Variants in SORCS2 observed in about 807,000 individuals in gnomAD.
SORCS2 encodes sortilin related VPS10 domain containing receptor 2, also known as VPS10 domain-containing receptor SorCS2.
A neutral mutation model predicts 141.6 loss-of-function variants in SORCS2; 100 were observed. The observed-to-expected ratio is 0.71, with a 90% CI of 0.60 to 0.83. The LOEUF (loss-of-function observed/expected upper bound fraction) is 0.83, where lower values mean the gene tolerates loss of function less well. Among genes scored for constraint, SORCS2 ranks in the 40% least tolerant of loss-of-function variants. SORCS2 has a pLI of 0.00. For missense variants in SORCS2, 1,646 were observed against 1,560.2 expected, an observed-to-expected ratio of 1.05 and a Z score of -0.93; for synonymous variants, 789 against 676.9, an observed-to-expected ratio of 1.17 and a Z score of -2.57.
intron 2 of SORCS2, among the ~76,000 whole-genome samples, chr4:7,410,318 A>G (rs1725220446): frequency 6.6e-6 from 1 of 152,222 alleles, no homozygotes. Flanking sequence ...ATCCAGAAAG[A>G]GGGGGACTTC....
At chr4:7,215,221 G>C (rs115398283) in intron 1 of SORCS2, among the ~76,000 whole-genome samples, 48,243 of 152,016 alleles carry the variant, frequency 0.32, 8,374 homozygotes, top group Non-Finnish European at 0.39. Flanking sequence ...CCTGCATTCC[G>C]AGCAGCAGGC....
chr4:7,242,127 G>C (rs1200965440), intron 1 of SORCS2, among the ~76,000 whole-genome samples: 1 of 152,210 alleles, frequency 6.6e-6, no homozygotes, highest in African/African-American at 2.4e-5. Context: ...TCCTCCTGCT[G>C]TGGCTGGTCC....
intron 2 of SORCS2, among the ~76,000 whole-genome samples, chr4:7,416,809 T>C (rs1224433426): frequency 6.7e-6 from 1 of 150,288 alleles, no homozygotes; most frequent in African/African-American, 2.5e-5. Flanking sequence ...CAAACATGCA[T>C]GCATGTACAC....
At chr4:7,726,569 G>A (rs1727232332) in intron 20 of SORCS2, among the ~76,000 whole-genome samples, 1 of 152,056 alleles carries the variant, frequency 6.6e-6, no homozygotes, top group South Asian at 2.1e-4. Context: ...ACAAGACTCT[G>A]TCTCAAAATA....
At chr4:7,510,074 G>C (rs1453861856) in intron 2 of SORCS2, among the ~76,000 whole-genome samples, 1 of 152,204 alleles carries the variant, frequency 6.6e-6, no homozygotes, top group Non-Finnish European at 1.5e-5. Context: ...ATGTTTATTT[G>C]CCTCGTTAGA....
At chr4:7,511,516 G>A (rs1732651602) in intron 2 of SORCS2, among the ~76,000 whole-genome samples, 1 of 151,938 alleles carries the variant, frequency 6.6e-6, no homozygotes, top group African/African-American at 2.4e-5. Context: ...AACAGAGAAA[G>A]AGACAGAGCA....
At chr4:7,542,275 C>G (rs187394309) in intron 3 of SORCS2, among the ~76,000 whole-genome samples, 1 of 152,302 alleles carries the variant, frequency 6.6e-6, no homozygotes, top group African/African-American at 2.4e-5. Flanking sequence ...AATTGTGCCC[C>G]CCAAAAAAAT....
At chr4:7,475,954 T>A (rs1730264901) in intron 2 of SORCS2, among the ~76,000 whole-genome samples, 1 of 152,170 alleles carries the variant, frequency 6.6e-6, no homozygotes, top group South Asian at 2.1e-4. Flanking sequence ...AGGACTCCAG[T>A]CTCCTTGGCT....
At chr4:7,336,131 G>A (rs2108977750) in intron 1 of SORCS2, among the ~76,000 whole-genome samples, 1 of 152,360 alleles carries the variant, frequency 6.6e-6, no homozygotes, top group South Asian at 2.1e-4. Flanking sequence ...TGTGATTCGA[G>A]GGTGCTGGAA....
chr4:7,604,372 C>T (rs1202523117), intron 3 of SORCS2, among the ~76,000 whole-genome samples: 2 of 152,226 alleles, frequency 1.3e-5, no homozygotes, highest in Non-Finnish European at 2.9e-5. Context: ...GGCTGGAGTG[C>T]AGTGGCGCGA....
chr4:7,557,702 A>C (rs1203415023), intron 3 of SORCS2, among the ~76,000 whole-genome samples: 1 of 152,212 alleles, frequency 6.6e-6, no homozygotes, highest in Non-Finnish European at 1.5e-5. Context: ...TTGCTTTGCA[A>C]ATGCCCAGGG....
At chr4:7,350,130 A>G (rs556610458) in intron 1 of SORCS2, among the ~76,000 whole-genome samples, 28 of 152,320 alleles carry the variant, frequency 1.8e-4, no homozygotes, top group African/African-American at 6.5e-4. Flanking sequence ...TTGTAAATGG[A>G]CACGACTCTT....
At chr4:7,601,740 G>A (rs531989366) in intron 3 of SORCS2, among the ~76,000 whole-genome samples, 100 of 151,918 alleles carry the variant, frequency 6.6e-4, no homozygotes, top group African/African-American at 2.3e-3. Context: ...CAGGGTCATA[G>A]GACAATAGTG....
In SORCS2 at chr4:7,233,772, G is replaced by C. The variant is rs1712070629; in HGVS notation, c.480+40646G>C. Among the ~76,000 whole-genome samples, 1 of 152,188 alleles carries C rather than the reference G, an allele frequency of 6.6e-6. No homozygotes were observed. The highest frequency in any genetic ancestry group is 1.5e-5 in the Non-Finnish European group (1 of 68,038). Reference sequence around the variant, plus strand: ...GCCCACCTGGGCCTCAGGCGAGCCTGTACTCCTGCACGCCTCAGTTTTCCT... The same window carrying C: ...GCCCACCTGGGCCTCAGGCGAGCCTCTACTCCTGCACGCCTCAGTTTTCCT... On this transcript the variant is annotated intron_variant, in intron 1 of 26. Transcript: ENST00000507866. This position sits in a 1 kb window ranked among gnomAD's most constrained non-coding sequence, Gnocchi z 4.5.
At chr4:7,249,822 G>T (rs79380518) in intron 1 of SORCS2, among the ~76,000 whole-genome samples, 426 of 152,276 alleles carry the variant, frequency 2.8e-3, no homozygotes, top group Non-Finnish European at 5.1e-3. Flanking sequence ...AGGACCCGCA[G>T]GTTTCCTCTC....
chr4:7,240,883 T>C (rs893241104), intron 1 of SORCS2, among the ~76,000 whole-genome samples: 26 of 152,136 alleles, frequency 1.7e-4, no homozygotes, highest in Non-Finnish European at 2.9e-5. Context: ...AGATAAAACA[T>C]AGGATTCTCA....
intron 1 of SORCS2, among the ~76,000 whole-genome samples, chr4:7,343,795 G>C (rs541697435): frequency 2.0e-5 from 3 of 152,354 alleles, no homozygotes; most frequent in African/African-American, 7.2e-5. Context: ...GATGGGGGCA[G>C]CTCTCCACAC....
At chr4:7,674,578 T>TAAA (rs377431157) in intron 8 of SORCS2, among the ~76,000 whole-genome samples, 2 of 82,586 alleles carry the variant, frequency 2.4e-5, no homozygotes, top group Non-Finnish European at 5.2e-5. Context: ...TGTCTCAAAA[T>TAAA]AAAAAAAAAA....
intron 4 of SORCS2, among the ~76,000 whole-genome samples, chr4:7,641,414 C>A (rs1025435545): frequency 6.6e-6 from 1 of 152,174 alleles, no homozygotes; most frequent in Non-Finnish European, 1.5e-5. Flanking sequence ...CATTATCACA[C>A]AAGAACAGCA....
Sources: allele counts gnomAD v4.1 joint callset (sites outside exome capture counted in the v4.1 genomes callset), GRCh38; gene constraint gnomAD v4.1.1; non-coding constraint Gnocchi (gnomAD v3.1); transcripts MANE v1.5; gene names NCBI Gene and HGNC (gene_info 2026-07-23, HGNC 2026-07-21).